Variants in DNAH9 observed in about 807,000 individuals in gnomAD.
DNAH9 encodes the protein DNAH9 variant protein.
A neutral mutation model predicts 471.6 loss-of-function variants in DNAH9; 345 were observed. That is an observed-to-expected ratio of 0.73 (90% confidence interval 0.67 to 0.80). DNAH9 has a LOEUF of 0.80. Ranked by LOEUF, DNAH9 falls within the 30% of genes least tolerant of loss-of-function variation. The probability of loss-of-function intolerance (pLI) is 0.00; values close to 1 mark genes in which losing one functional copy is unlikely to be tolerated. For synonymous variants in DNAH9, 2,093 were observed against 2,123.6 expected (o/e 0.99, Z 0.40); for missense variants, 5,407 against 5,609.2 (o/e 0.96, Z 1.15).
At position 11,623,035 on chromosome 17, in the gene DNAH9, A is replaced by G. The variant is rs1597399557; in HGVS notation, c.1350+3254A>G. The stretch of plus-strand genomic sequence containing the variant: ...GTTGCCCAGGCTGGAGTGCAGTGGC[A>G]CAATCTCGGCTCACGACAACCTCTG... On this transcript the variant is annotated intron_variant, in intron 6 of 68. Transcript: ENST00000262442. The surrounding 1 kb of genome is among the most constrained non-coding windows in gnomAD (Gnocchi z 4.1). Among the ~76,000 whole-genome samples the G allele has an allele frequency of 7.0e-6, 1 of 142,268 alleles. No individual in the cohort carries two copies. The highest frequency in any genetic ancestry group is 1.5e-5 in the Non-Finnish European group (1 of 66,782). The allele number at this position is 142,268 out of a possible 152,430, so 93.3% of individuals were successfully genotyped here.
At chr17:11,669,832 G>A in intron 17 of DNAH9, 38 bp downstream of exon 17, 2 of 1,541,162 alleles carry the variant, frequency 1.3e-6, no homozygotes, top group Non-Finnish European at 1.8e-6. Context: ...AGCATGCTAG[G>A]CTGTGAGGAA....
At chr17:11,905,139 C>A (rs1329542389) in intron 60 of DNAH9, among the ~76,000 whole-genome samples, 1 of 151,270 alleles carries the variant, frequency 6.6e-6, no homozygotes, top group Non-Finnish European at 1.5e-5. Flanking sequence ...GAGGCTGAGG[C>A]AGGGGAATCA....
chr17:11,950,527 GACTA>G lies in DNAH9; in HGVS notation c.12843+8046_12843+8049del, dbSNP rs370783022. On this transcript the variant is annotated intron_variant, in intron 67 of 68. Coordinates refer to ENST00000262442, the MANE Select transcript of DNAH9 (RefSeq NM_001372.4). ...ACTACAGGTGCACACAACCACACCC[GACTA>G]ACTTTTTATTTTTATTTTTGTAGAG... Among the ~76,000 whole-genome samples, 352 of 152,116 alleles carry G rather than the reference GACTA, an allele frequency of 2.3e-3. 1 individual carries two copies. Among genetic ancestry groups the G allele is most frequent in the African/African-American group, 7.7e-3 (320 of 41,508 alleles).
chr17:11,757,506 T>G (rs373746788), intron 34 of DNAH9, 39 bp from the exon 35 acceptor site: 134 of 1,557,390 alleles, frequency 8.6e-5, no homozygotes, highest in Non-Finnish European at 1.1e-4. Context: ...TAATGATGTA[T>G]ATGGAATATT....
Position 11,690,212 on chromosome 17 carries a change from T to G in DNAH9, c.4390T>G (p.Ser1464Ala). The G allele has an allele frequency of 6.2e-7, 1 of 1,614,200 alleles. No individual in the cohort carries two copies. The highest frequency in any genetic ancestry group is 8.5e-7 in the Non-Finnish European group (1 of 1,180,022). The change falls in exon 20 of 69, where the codon TCT becomes GCT. Residue 1464 changes from serine (S) to alanine (A), a missense_variant. Around this residue, in one of 3 missense-constraint regions of DNAH9, gnomAD observed 4,636 missense variants for 4,900.3 expected, o/e 0.95. Coordinates refer to ENST00000262442, the MANE Select transcript of DNAH9 (RefSeq NM_001372.4). ...HPRTNVPLLC[S>A]DEDLIEVLED... ...ACGGACCAATGTCCCCCTCCTGTGC[T>G]CTGATGAGGACCTCATAGAGGTTCT...
chr17:11,813,811 A>G (rs1970002906), intron 45 of DNAH9, among the ~76,000 whole-genome samples: 1 of 152,256 alleles, frequency 6.6e-6, no homozygotes, highest in African/African-American at 2.4e-5. Flanking sequence ...TTCAGAACCC[A>G]TCTTTATGCC....
intron 65 of DNAH9, 101 bp downstream of exon 65, chr17:11,934,172 A>G: frequency 1.5e-6 from 2 of 1,298,040 alleles, no homozygotes; most frequent in Non-Finnish European, 1.1e-6. Flanking sequence ...CTCTGCTGGG[A>G]CATCACCATG....
rs563123721 is a variant in DNAH9, at chr17:11,811,792, T to C, written c.8707+1423T>C. Among the ~76,000 whole-genome samples the C allele has an allele frequency of 3.1e-4, 47 of 151,656 alleles. No individual in the cohort carries two copies. In the South Asian group the frequency reaches 9.2e-3, roughly 30 times the overall value. On this transcript the variant is annotated intron_variant, in intron 45 of 68. Transcript: ENST00000262442. ...TTGTTCCTGGACACTGTTACAGATATGCTCTGTCCTGCTCAGAACCAATAT... is the reference window on the plus strand; with the variant it reads ...TTGTTCCTGGACACTGTTACAGATACGCTCTGTCCTGCTCAGAACCAATAT...
chr17:11,664,290 T>TGAGA (rs147301920), intron 14 of DNAH9, among the ~76,000 whole-genome samples: 12 of 129,754 alleles, frequency 9.2e-5, no homozygotes, highest in South Asian at 7.2e-4. Flanking sequence ...AGAGAGAGAG[T>TGAGA]GAGAGAGAGA....
At chr17:11,843,890 T>TATATATATATATATATATATAC (rs1389217941) in intron 49 of DNAH9, among the ~76,000 whole-genome samples, 19 of 127,178 alleles carry the variant, frequency 1.5e-4, no homozygotes, top group African/African-American at 3.4e-4. Flanking sequence ...TATATATATA[T>TATATATATATATATATATATAC]ACACATAGAG....
At chr17:11,935,334 C>G (rs576821866) in intron 65 of DNAH9, among the ~76,000 whole-genome samples, 1 of 150,230 alleles carries the variant, frequency 6.7e-6, no homozygotes, top group African/African-American at 2.4e-5. Flanking sequence ...AAGTATTCAT[C>G]TTTGCCTATT....
intron 14 of DNAH9, among the ~76,000 whole-genome samples, chr17:11,655,237 A>C (rs994868352): frequency 7.3e-5 from 11 of 151,608 alleles, no homozygotes; most frequent in African/African-American, 2.4e-4. Flanking sequence ...AGAACATACA[A>C]CGTTTGGTTT....
intron 1 of DNAH9, among the ~76,000 whole-genome samples, chr17:11,600,880 C>G (rs1248167861): frequency 6.6e-6 from 1 of 152,188 alleles, no homozygotes; most frequent in Non-Finnish European, 1.5e-5. Context: ...ATATTGTCAA[C>G]CACATATGCA....
intron 68 of DNAH9, among the ~76,000 whole-genome samples, chr17:11,964,099 T>C (rs888327000): frequency 6.6e-6 from 1 of 152,192 alleles, no homozygotes; most frequent in African/African-American, 2.4e-5. Flanking sequence ...CATTTTATTA[T>C]GCCAGCCCTA....
chr17:11,625,257 C>A (rs1310722759), intron 6 of DNAH9, among the ~76,000 whole-genome samples: 1 of 152,152 alleles, frequency 6.6e-6, no homozygotes, highest in Admixed American at 6.5e-5. Context: ...CATTTGGAGA[C>A]AAAATGATTT....
At chr17:11,842,213 A>T (rs1200156070) in intron 49 of DNAH9, among the ~76,000 whole-genome samples, 1 of 152,212 alleles carries the variant, frequency 6.6e-6, no homozygotes, top group Non-Finnish European at 1.5e-5. Flanking sequence ...CCTCAGATTG[A>T]TCTAACTTAT....
At chr17:11,724,863 A>T (rs1167417261) in intron 27 of DNAH9, among the ~76,000 whole-genome samples, 1 of 152,212 alleles carries the variant, frequency 6.6e-6, no homozygotes, top group Non-Finnish European at 1.5e-5. Flanking sequence ...ATACAATGAA[A>T]TAATTATACA....
In DNAH9 at chr17:11,705,406, A is replaced by T. The variant is rs968440360; in HGVS notation, c.5552+221A>T. On this transcript the variant is annotated intron_variant, in intron 26 of 68. Coordinates refer to ENST00000262442, the MANE Select transcript of DNAH9 (RefSeq NM_001372.4). ...CAAATCAATGAGCCGTGACTTTTTG[A>T]GGAATTACTAAATGGTCATACACAC... 1.2e-5 allele frequency: 6 copies of T among 508,796 alleles called. No individual in the cohort carries two copies. In the East Asian group the frequency reaches 1.8e-4, roughly 15 times the overall value. 31.5% of individuals were successfully genotyped at this position (508,796 alleles called of 1,614,324 possible).
In DNAH9 at chr17:11,669,730, C is replaced by T; in HGVS notation, c.3289C>T (p.Leu1097=). Reference sequence around the variant, plus strand: ...TATTCGACCCTTTAAGGCATCTCTGCTGAATATTATTAAGAGGTGGAGCCT... The same window carrying T: ...TATTCGACCCTTTAAGGCATCTCTGTTGAATATTATTAAGAGGTGGAGCCT... ...IDIRPFKASL[L]NIIKRWSLLF... The change falls in exon 17 of 69, where the codon CTG becomes TTG. Residue 1097 remains leucine (L), a synonymous_variant. Coordinates refer to ENST00000262442, the MANE Select transcript of DNAH9 (RefSeq NM_001372.4). 1 of 1,614,142 alleles carries T rather than the reference C, an allele frequency of 6.2e-7. No homozygotes were observed. Among genetic ancestry groups the T allele is most frequent in the African/African-American group, 1.3e-5 (1 of 75,054 alleles).
Sources: allele counts gnomAD v4.1 joint callset (sites outside exome capture counted in the v4.1 genomes callset), GRCh38; gene constraint gnomAD v4.1.1; regional missense constraint gnomAD v4.1.1; non-coding constraint Gnocchi (gnomAD v3.1); transcripts MANE v1.5; gene names NCBI Gene and HGNC (gene_info 2026-07-23, HGNC 2026-07-21).